RSF1: variants seen among roughly 807,000 people sequenced by gnomAD.
RSF1 encodes remodeling and spacing factor 1.
RSF1 carries 13 observed loss-of-function variants against 145.2 expected under a neutral mutation model. The observed-to-expected ratio is 0.09, with a 90% confidence interval of 0.06 to 0.14. The LOEUF (loss-of-function observed/expected upper bound fraction) is 0.14, where lower values mean the gene tolerates loss of function less well. RSF1 is among the 10% of genes least tolerant of loss of function. The pLI, the probability that RSF1 is intolerant of heterozygous loss-of-function variation, is 1.00. For missense variants in RSF1, 1,517 were observed against 1,718.2 expected (o/e 0.88, Z 2.07); for synonymous variants, 577 against 592.6 (o/e 0.97, Z 0.38).
At chr11:77,720,807 A>G (rs1420869648) in intron 5 of RSF1, among the ~76,000 whole-genome samples, 1 of 152,202 alleles carries the variant, frequency 6.6e-6, no homozygotes, top group Admixed American at 6.5e-5. Context: ...CTCATGTAAG[A>G]AAAAGCAGGA....
At chr11:77,715,845 C>T (rs1046921459) in intron 5 of RSF1, among the ~76,000 whole-genome samples, 4 of 152,224 alleles carry the variant, frequency 2.6e-5, no homozygotes, top group South Asian at 4.1e-4. Flanking sequence ...GGTGTGAGCA[C>T]GGCTCACTGC....
At chr11:77,677,022 C>T (rs747583572) in intron 12 of RSF1, 23 bp from the exon 13 acceptor site, 44 of 1,578,238 alleles carry the variant, frequency 2.8e-5, no homozygotes, top group East Asian at 4.5e-5. Context: ...GAGGGAAGTT[C>T]GGGGAGAGAA....
chr11:77,793,512 T>C (rs962234039), intron 1 of RSF1, among the ~76,000 whole-genome samples: 4 of 151,634 alleles, frequency 2.6e-5, no homozygotes, highest in South Asian at 2.1e-4. Context: ...AGAAATATGA[T>C]CCAACTATAT....
intron 9 of RSF1, among the ~76,000 whole-genome samples, chr11:77,689,664 C>T (rs1468125729): frequency 6.6e-6 from 1 of 152,172 alleles, no homozygotes; most frequent in Admixed American, 6.5e-5. Flanking sequence ...GTTCATATGT[C>T]TGTATTCTCT....
At chr11:77,772,957 T>G (rs986081733) in intron 1 of RSF1, among the ~76,000 whole-genome samples, 5 of 152,012 alleles carry the variant, frequency 3.3e-5, no homozygotes, top group African/African-American at 1.2e-4. Flanking sequence ...GAAGGAATAG[T>G]TCACAAGACC....
At chr11:77,819,418 C>T (rs754114964) in intron 1 of RSF1, among the ~76,000 whole-genome samples, 9 of 152,188 alleles carry the variant, frequency 5.9e-5, no homozygotes, top group Non-Finnish European at 8.8e-5. Flanking sequence ...AGGCTGGAGG[C>T]AGCAGGCGCA....
At chr11:77,864,270 C>T in the RSF1 span, among the ~76,000 whole-genome samples, 1 of 151,658 alleles carries the variant, frequency 6.6e-6, no homozygotes, top group African/African-American at 2.4e-5. Context: ...TATTCTTGGG[C>T]CCATCTCTAC....
intron 5 of RSF1, among the ~76,000 whole-genome samples, chr11:77,721,423 CA>C (rs1565159821): frequency 2.0e-5 from 3 of 152,146 alleles, no homozygotes; most frequent in Admixed American, 2.0e-4. Flanking sequence ...GGGTGAGAGA[CA>C]GGGTTTTTGG....
intron 5 of RSF1, among the ~76,000 whole-genome samples, chr11:77,705,285 T>A (rs1960522465): frequency 6.6e-6 from 1 of 152,174 alleles, no homozygotes; most frequent in Non-Finnish European, 1.5e-5. Context: ...AAATTTGAAG[T>A]GACCAAAGGA....
At chr11:77,781,178 G>C (rs956940545) in intron 1 of RSF1, among the ~76,000 whole-genome samples, 1 of 151,742 alleles carries the variant, frequency 6.6e-6, no homozygotes, top group Non-Finnish European at 1.5e-5. Context: ...TCGGCTCATT[G>C]CAACCTTCAC....
At chr11:77,741,748 ATATTGT>A (rs1461602374) in intron 3 of RSF1, among the ~76,000 whole-genome samples, 1 of 152,086 alleles carries the variant, frequency 6.6e-6, no homozygotes, top group African/African-American at 2.4e-5. Context: ...AATATATTAT[ATATTGT>A]TATTATCTAT....
chr11:77,682,136 T>C (rs765355898), intron 11 of RSF1, among the ~76,000 whole-genome samples: 1 of 152,198 alleles, frequency 6.6e-6, no homozygotes, highest in South Asian at 2.1e-4. Flanking sequence ...AAGAAAACTT[T>C]TTATTTTTTG....
intron 1 of RSF1, among the ~76,000 whole-genome samples, chr11:77,781,258 C>A (rs1195363829): frequency 6.6e-6 from 1 of 152,040 alleles, no homozygotes; most frequent in Non-Finnish European, 1.5e-5. Flanking sequence ...GCCACCATGC[C>A]CAGCTAATTT....
chr11:77,838,718 G>A, the RSF1 span, among the ~76,000 whole-genome samples: 3 of 149,024 alleles, frequency 2.0e-5, no homozygotes, highest in Non-Finnish European at 3.0e-5. Context: ...CCGGGTTCAC[G>A]CCATTCTCCT....
chr11:77,766,245 T>C (rs1305855375), intron 1 of RSF1, among the ~76,000 whole-genome samples: 1 of 152,208 alleles, frequency 6.6e-6, no homozygotes, highest in African/African-American at 2.4e-5. Context: ...ATCTGCAGCG[T>C]TCTCTAACAT....
chr11:77,722,868 A>G (rs1960972130), intron 5 of RSF1, among the ~76,000 whole-genome samples: 1 of 152,138 alleles, frequency 6.6e-6, no homozygotes, highest in Non-Finnish European at 1.5e-5. Flanking sequence ...TACCTAGAAA[A>G]AGTTTGTTCT....
intron 15 of RSF1, among the ~76,000 whole-genome samples, chr11:77,671,179 T>TATATATA (rs1959536245): frequency 1.2e-5 from 1 of 84,604 alleles, no homozygotes; most frequent in Non-Finnish European, 2.2e-5. Context: ...ATATATATAT[T>TATATATA]TATATGTATA....
chr11:77,818,946 G>A (rs976927803), intron 1 of RSF1, among the ~76,000 whole-genome samples: 2 of 152,152 alleles, frequency 1.3e-5, no homozygotes, highest in Admixed American at 6.5e-5. Context: ...CCTTTTGTAA[G>A]CCAGTTTGTT....
At position 77,816,385 on chromosome 11, in the gene RSF1, A is replaced by G. The variant is rs963813492; in HGVS notation, c.187+4143T>C. On this transcript the variant is annotated intron_variant, in intron 1 of 15. Transcript: ENST00000308488. ...AGATCAGTTACAGTACCAGTAAGAG[A>G]GACCATAGTAAGTTATAGTTACAAT... 2.6e-4 allele frequency among the ~76,000 whole-genome samples: 39 copies of G among 152,262 alleles called. 1 individual carries two copies. The highest frequency in any genetic ancestry group is 1.2e-4 in the Non-Finnish European group (8 of 68,042).
Sources: gnomAD v4.1 joint callset for allele counts (sites outside exome capture counted in the v4.1 genomes callset) on GRCh38, gnomAD v4.1.1 for gene constraint, MANE v1.5 for transcripts, NCBI Gene and HGNC (gene_info 2026-07-23, HGNC 2026-07-21) for gene names.